The following SOS1 variants were observed in gnomAD, a reference collection of about 807,000 sequenced individuals.
SOS1 encodes SOS Ras/Rac guanine nucleotide exchange factor 1.
SOS1 carries 25 observed loss-of-function variants against 157.6 expected under a neutral mutation model. That is an observed-to-expected ratio of 0.16 (90% CI 0.12 to 0.22). The LOEUF (loss-of-function observed/expected upper bound fraction) is 0.22. SOS1 is among the 10% of genes least tolerant of loss of function. SOS1 has a pLI of 1.00. For missense variants in SOS1, 1,237 were observed against 1,599.1 expected (o/e 0.77, Z 3.86); for synonymous variants, 528 against 534.0 (o/e 0.99, Z 0.16).
chr2:39,003,663 A>C (rs1669183787), intron 17 of SOS1, among the ~76,000 whole-genome samples: 1 of 152,262 alleles, frequency 6.6e-6, no homozygotes, highest in Non-Finnish European at 1.5e-5. Flanking sequence ...AATGTTCTTT[A>C]CAAATTAATT....
chr2:39,070,991 T>C (rs1241833889), intron 1 of SOS1, among the ~76,000 whole-genome samples: 1 of 152,148 alleles, frequency 6.6e-6, no homozygotes, highest in Non-Finnish European at 1.5e-5. Context: ...GCCTCCCAAG[T>C]AGCTGGGATT....
rs730881027 is a variant in SOS1 at position 39,012,237 on chromosome 2, G to A, written c.2279C>T (p.Thr760Ile). 4.3e-6 allele frequency: 7 copies of A among 1,613,008 alleles called. No individual in the cohort carries two copies. Among genetic ancestry groups the A allele is most frequent in the African/African-American group, 1.3e-5 (1 of 74,866 alleles). Residue 760 changes from threonine (T) to isoleucine (I), a missense_variant, in exon 14 of 23, where the codon ACA (threonine) becomes ATA (isoleucine). Transcript: ENST00000402219. ...HNITFQSSPPTVEWHISRPGH... is the reference protein window; with the variant it reads ...HNITFQSSPPIVEWHISRPGH... ...AGGTCTGCTTATATGCCACTCAACT[G>A]TGGGAGGTGAACTCTGAAATGTAAT...
At chr2:39,045,135 T>C (rs899274883) in intron 6 of SOS1, among the ~76,000 whole-genome samples, 5 of 152,164 alleles carry the variant, frequency 3.3e-5, no homozygotes, top group African/African-American at 1.2e-4. Flanking sequence ...GATACAATTA[T>C]GCTTATTTTT....
At chr2:39,118,607 TGGAGATACATGACCTGTCTAAAGAAG>T (rs1192532278) in intron 1 of SOS1, among the ~76,000 whole-genome samples, 1 of 152,158 alleles carries the variant, frequency 6.6e-6, no homozygotes, top group Non-Finnish European at 1.5e-5. Flanking sequence ...TGTGGTAAGG[TGGAGATACATGACCTGTCTAAAGAAG>T]GGAGCCATTT....
intron 1 of SOS1, chr2:39,082,565 G>A (rs956121564): frequency 1.3e-5 from 2 of 152,138 alleles, no homozygotes; most frequent in African/African-American, 4.8e-5. Context: ...ATCTAGCTAG[G>A]TCTGAGGCTC....
At chr2:39,025,740 T>C (rs1240720044) in intron 8 of SOS1, among the ~76,000 whole-genome samples, 1 of 152,210 alleles carries the variant, frequency 6.6e-6, no homozygotes, top group East Asian at 1.9e-4. Context: ...CAGGTATTCC[T>C]TAAAGGTCAA....
At chr2:39,007,797 A>T (rs1669328266) in intron 15 of SOS1, among the ~76,000 whole-genome samples, 2 of 152,080 alleles carry the variant, frequency 1.3e-5, no homozygotes, top group African/African-American at 4.8e-5. Flanking sequence ...GAAACTGGTA[A>T]AAATTATTAA....
At chr2:39,035,531 A>G in intron 6 of SOS1, 31 bp from the exon 7 acceptor site, 3 of 1,423,890 alleles carry the variant, frequency 2.1e-6, no homozygotes, top group Non-Finnish European at 9.9e-7. Flanking sequence ...AAACATAAAT[A>G]ATTTACCATT....
intron 8 of SOS1, among the ~76,000 whole-genome samples, chr2:39,029,951 G>C (rs1670098986): frequency 6.6e-6 from 1 of 152,030 alleles, no homozygotes; most frequent in Admixed American, 6.6e-5. Flanking sequence ...AGAAGCCCTT[G>C]AGCCCAGAAG....
At chr2:39,038,747 A>AAAAAAAAAAAAAAAAAAAAAAAAAAC (rs1558482387) in intron 6 of SOS1, among the ~76,000 whole-genome samples, 2 of 147,480 alleles carry the variant, frequency 1.4e-5, no homozygotes, top group Admixed American at 6.8e-5. Context: ...AAAAAAAAAA[A>AAAAAAAAAAAAAAAAAAAAAAAAAAC]AGTCGTTTCT....
chr2:39,071,144 A>C (rs751562814), intron 1 of SOS1, among the ~76,000 whole-genome samples: 11 of 152,238 alleles, frequency 7.2e-5, no homozygotes, highest in African/African-American at 1.4e-4. Flanking sequence ...CTGAGATTAC[A>C]GGCGTGAGCC....
chr2:39,020,591 G>A (rs1669766920), intron 10 of SOS1, among the ~76,000 whole-genome samples: 1 of 151,700 alleles, frequency 6.6e-6, no homozygotes, highest in African/African-American at 2.4e-5. Flanking sequence ...GAGAGGAGAA[G>A]AGCAGACCAG....
intron 12 of SOS1, 148 bp downstream of exon 12, chr2:39,013,719 A>C (rs1669538445): frequency 1.1e-6 from 1 of 872,934 alleles, no homozygotes; most frequent in Non-Finnish European, 1.9e-6. Context: ...GGCTTATACT[A>C]TAATTTCTGA....
At chr2:39,085,970 G>T (rs961843636) in intron 1 of SOS1, among the ~76,000 whole-genome samples, 2 of 152,212 alleles carry the variant, frequency 1.3e-5, no homozygotes, top group Non-Finnish European at 2.9e-5. Flanking sequence ...AAAAGGTTAA[G>T]TGTGGGCTAC....
At chr2:39,079,062 CAAAAAAAA>C (rs10608351) in intron 1 of SOS1, among the ~76,000 whole-genome samples, 37 of 40,002 alleles carry the variant, frequency 9.2e-4, no homozygotes, top group South Asian at 5.0e-3. Context: ...CTCTGTCTCC[CAAAAAAAA>C]AAAAAAAAAA....
At chr2:39,023,944 G>C in intron 9 of SOS1, 66 bp downstream of exon 9, 2 of 1,123,518 alleles carry the variant, frequency 1.8e-6, no homozygotes, top group Non-Finnish European at 2.7e-6. Flanking sequence ...GAGGGAACTG[G>C]GATCCCTGAA....
intron 10 of SOS1, among the ~76,000 whole-genome samples, chr2:39,016,266 T>A (rs966225262): frequency 6.6e-6 from 1 of 152,074 alleles, no homozygotes; most frequent in South Asian, 2.1e-4. Context: ...AGAATAAAAA[T>A]ACATTGGTTT....
intron 1 of SOS1, among the ~76,000 whole-genome samples, chr2:39,097,252 A>C (rs1344203916): frequency 6.6e-6 from 1 of 152,198 alleles, no homozygotes; most frequent in Non-Finnish European, 1.5e-5. Flanking sequence ...ATGCAAATTG[A>C]AGAGATGCAA....
At chr2:39,085,291 T>C (rs1365354762) in intron 1 of SOS1, among the ~76,000 whole-genome samples, 1 of 152,198 alleles carries the variant, frequency 6.6e-6, no homozygotes, top group Non-Finnish European at 1.5e-5. Context: ...CAAGCGATCC[T>C]CCTGCCTTGG....
Sources: allele counts gnomAD v4.1 joint callset (sites outside exome capture counted in the v4.1 genomes callset), GRCh38; gene constraint gnomAD v4.1.1; transcripts MANE v1.5; gene names NCBI Gene and HGNC (gene_info 2026-07-23, HGNC 2026-07-21).